BIN2: variants seen among roughly 807,000 people sequenced by gnomAD.
BIN2 encodes breast cancer associated protein BRAP1.
Under a neutral mutation model 67.9 loss-of-function variants are expected in BIN2, and 43 were observed. The observed-to-expected ratio is 0.63, with a 90% CI of 0.50 to 0.82. The LOEUF (loss-of-function observed/expected upper bound fraction) is 0.82, where lower values mean the gene tolerates loss of function less well. Among genes scored for constraint, BIN2 ranks in the 40% least tolerant of loss-of-function variants. The pLI is 0.00. For synonymous variants in BIN2, 244 were observed against 246.8 expected, an observed-to-expected ratio of 0.99 and a Z score of 0.11; for missense variants, 581 against 671.6, an observed-to-expected ratio of 0.87 and a Z score of 1.49.
intron 12 of BIN2, 28 bp from the exon 13 acceptor site, chr12:51,281,556 T>G (rs1592243466): frequency 1.2e-6 from 2 of 1,613,666 alleles, no homozygotes; most frequent in Non-Finnish European, 1.7e-6. Flanking sequence ...TTGTGTTAGG[T>G]GTTGACCTGC....
intron 2 of BIN2, among the ~76,000 whole-genome samples, chr12:51,304,652 T>TA (rs1945820470): frequency 6.6e-6 from 1 of 152,168 alleles, no homozygotes; most frequent in African/African-American, 2.4e-5. Context: ...CACCATAAAA[T>TA]ACTTGTTGTG....
At chr12:51,302,171 A>G in intron 4 of BIN2, 56 bp from the exon 5 acceptor site, 1 of 1,340,308 alleles carries the variant, frequency 7.5e-7, no homozygotes. Context: ...ACAACTGCCT[A>G]CCAGGGAAAT....
Position 51,314,538 on chromosome 12 carries a change from A to G in BIN2, c.82-635T>C, listed in dbSNP as rs12832831. Among the ~76,000 whole-genome samples the G allele has an allele frequency of 2.0e-4, 30 of 151,958 alleles. No individual in the cohort carries two copies. The South Asian group carries it at 3.6e-3, about 18-fold the overall frequency. On this transcript the variant is annotated intron_variant, in intron 1 of 12. Coordinates refer to ENST00000615107, the MANE Select transcript of BIN2 (RefSeq NM_016293.4). ...TATCTGGCTGGGTGTGGTGGCTCAC[A>G]CTTGTAATCCCAGCACTTTGGGAGG... is the stretch of plus-strand genomic sequence containing the variant.
At chr12:51,311,173 T>G (rs932538436) in intron 2 of BIN2, among the ~76,000 whole-genome samples, 1 of 150,778 alleles carries the variant, frequency 6.6e-6, no homozygotes, top group Non-Finnish European at 1.5e-5. Context: ...CACAGCTCAC[T>G]GCTCAGTAGC....
At position 51,281,308 on chromosome 12, in the gene BIN2, C is replaced by T; in HGVS notation, c.*191G>A. 2 of 611,874 alleles carry T rather than the reference C, an allele frequency of 3.3e-6. No homozygotes were observed. The highest frequency in any genetic ancestry group is 3.0e-6 in the Non-Finnish European group (1 of 335,676). The allele number at this position is 611,874 out of a possible 1,614,324, so 37.9% of individuals were successfully genotyped here. A position where few individuals can be genotyped will look rare whatever the true frequency, so the allele number is the denominator to read the frequency against. On this transcript the variant is annotated 3_prime_UTR_variant, in exon 13 of 13. Transcript: ENST00000615107. The stretch of plus-strand genomic sequence containing the variant: ...GAGTCTAATGTTCTCTTCTCCCCAG[C>T]CTGCCTCCCTCCATCCCTCCCGTAA...
At chr12:51,300,417 T>G (rs1179684958) in intron 5 of BIN2, among the ~76,000 whole-genome samples, 3 of 152,206 alleles carry the variant, frequency 2.0e-5, no homozygotes, top group African/African-American at 7.2e-5. Context: ...TCTGGATTTT[T>G]GGGAATTAGT....
At chr12:51,295,111 T>C (rs1945501088) in intron 9 of BIN2, among the ~76,000 whole-genome samples, 1 of 151,958 alleles carries the variant, frequency 6.6e-6, no homozygotes, top group Non-Finnish European at 1.5e-5. Context: ...TTTTTTTTTC[T>C]TTTAATCTTT....
intron 7 of BIN2, among the ~76,000 whole-genome samples, chr12:51,297,863 T>C (rs1344753997): frequency 6.6e-6 from 1 of 152,216 alleles, no homozygotes; most frequent in Non-Finnish European, 1.5e-5. Context: ...CTTTATGCAA[T>C]ACAGGATGAC....
Position 51,303,087 on chromosome 12 carries a change from C to G in BIN2, c.217G>C (p.Val73Leu). 6.2e-7 allele frequency: 1 copy of G among 1,614,102 alleles called. No homozygotes were observed. The highest frequency in any genetic ancestry group is 1.3e-5 in the African/African-American group (1 of 75,048). Residue 73 changes from valine (V) to leucine (L), a missense_variant and splice_region_variant, in exon 3 of 13, where the codon GTG becomes CTG. Transcript: ENST00000615107. ...GATTCTCCCATGCTGCATTGCCCAC[C>G]TTTGACTGCACTAAGGAAGTTCTTC... ...DLKNFLSAVK[V>L]MHESSKRVSE...
chr12:51,315,419 G>A (rs1351161948), intron 1 of BIN2, among the ~76,000 whole-genome samples: 1 of 152,090 alleles, frequency 6.6e-6, no homozygotes, highest in Non-Finnish European at 1.5e-5. Context: ...TGATCCGCCC[G>A]CCTCGGCCTC....
At position 51,291,990 on chromosome 12, in the gene BIN2, T is replaced by G. The variant is rs1475998115; in HGVS notation, c.1116A>C (p.Gly372=). 1 of 1,614,170 alleles carries G rather than the reference T, an allele frequency of 6.2e-7. No individual in the cohort carries two copies. The highest frequency in any genetic ancestry group is 2.2e-5 in the East Asian group (1 of 44,886). The change falls in exon 10 of 13, where the codon GGA becomes GGC. Residue 372 remains glycine, a synonymous_variant. Coordinates refer to ENST00000615107, the MANE Select transcript of BIN2 (RefSeq NM_016293.4). Reference sequence around the variant, plus strand: ...AAGGCTGCCCTGAAGGGCTCAGGGCTCCGCCTGGTGATGGAGTTGTGGAGC... The same window carrying G: ...AAGGCTGCCCTGAAGGGCTCAGGGCGCCGCCTGGTGATGGAGTTGTGGAGC... ...LPSSTTPSPG[G]ALSPSGQPSS... is the part of the protein sequence containing the mutation.
chr12:51,319,855 T>C (rs1351739401), intron 1 of BIN2, among the ~76,000 whole-genome samples: 1 of 152,188 alleles, frequency 6.6e-6, no homozygotes, highest in Non-Finnish European at 1.5e-5. Flanking sequence ...TTCCCTCAAT[T>C]GGGGTAATTT....
chr12:51,297,158 A>G lies in BIN2; in HGVS notation c.609T>C (p.Ile203=), dbSNP rs2137380945. 6.2e-7 allele frequency: 1 copy of G among 1,613,892 alleles called. No individual in the cohort carries two copies. The highest frequency in any genetic ancestry group is 2.2e-5 in the East Asian group (1 of 44,880). ...EELPILYNSR[I]GCYVTIFQNI... is the part of the protein sequence containing the mutation. ...TTTGGAAGATGGTCACATAGCAGCC[A>G]ATACGACTATTAGGAAGCAAAACCA... Residue 203 remains isoleucine (I), a synonymous_variant, in exon 8 of 13, where the codon ATT becomes ATC. Coordinates refer to ENST00000615107, the MANE Select transcript of BIN2 (RefSeq NM_016293.4).
chr12:51,298,746 T>G (rs1945636854), intron 7 of BIN2, among the ~76,000 whole-genome samples: 1 of 152,030 alleles, frequency 6.6e-6, no homozygotes, highest in African/African-American at 2.4e-5. Context: ...AGGATACAAA[T>G]GGAGTTTCTG....
chr12:51,310,666 T>A (rs1945970308), intron 2 of BIN2, among the ~76,000 whole-genome samples: 1 of 152,232 alleles, frequency 6.6e-6, no homozygotes. Flanking sequence ...TACTTAGATA[T>A]CATACACATA....
At chr12:51,307,386 A>G (rs1945894066) in intron 2 of BIN2, among the ~76,000 whole-genome samples, 1 of 152,128 alleles carries the variant, frequency 6.6e-6, no homozygotes, top group African/African-American at 2.4e-5. Context: ...TCAAAAATAA[A>G]TACAATAAAG....
chr12:51,305,887 G>A (rs1324779246), intron 2 of BIN2, among the ~76,000 whole-genome samples: 8 of 134,966 alleles, frequency 5.9e-5, no homozygotes, highest in African/African-American at 1.9e-4. Context: ...AGGCTGGAGT[G>A]CAGTGGCGTG....
chr12:51,316,962 C>T (rs770619081), intron 1 of BIN2, among the ~76,000 whole-genome samples: 8 of 152,114 alleles, frequency 5.3e-5, no homozygotes, highest in Middle Eastern at 3.4e-3. Context: ...CCACAACTTC[C>T]GCCTCCTAGG....
chr12:51,301,676 T>C (rs907985639), intron 5 of BIN2, among the ~76,000 whole-genome samples: 6 of 151,940 alleles, frequency 3.9e-5, no homozygotes, highest in African/African-American at 9.7e-5. Context: ...ATGACTATTT[T>C]TTTTTGTATT....
Sources: gnomAD v4.1 joint callset for allele counts (sites outside exome capture counted in the v4.1 genomes callset) on GRCh38, gnomAD v4.1.1 for gene constraint, MANE v1.5 for transcripts, NCBI Gene and HGNC (gene_info 2026-07-23, HGNC 2026-07-21) for gene names.